KIF6: variants seen among roughly 807,000 people sequenced by gnomAD.
KIF6 encodes the protein kinesin-like protein KIF6.
Under a neutral mutation model 112.7 loss-of-function variants are expected in KIF6, and 106 were observed. The ratio of observed to expected loss-of-function variants is 0.94; its 90% CI spans 0.80 to 1.11. The LOEUF (loss-of-function observed/expected upper bound fraction) is 1.11. KIF6 is among the 50% of genes least tolerant of loss of function. KIF6 has a pLI of 0.00. For synonymous variants in KIF6, 339 were observed against 339.9 expected (o/e 1.00, Z 0.03); for missense variants, 929 against 964.0 (o/e 0.96, Z 0.48).
chr6:39,601,425 A>G (rs1782565531), intron 6 of KIF6, among the ~76,000 whole-genome samples: 1 of 152,132 alleles, frequency 6.6e-6, no homozygotes, highest in African/African-American at 2.4e-5. Flanking sequence ...TCCTATCTAC[A>G]TCACTGAATT....
intron 13 of KIF6, among the ~76,000 whole-genome samples, chr6:39,525,061 A>G (rs1332142255): frequency 1.3e-5 from 2 of 152,226 alleles, no homozygotes; most frequent in Non-Finnish European, 2.9e-5. Context: ...GTTGCCTACA[A>G]GTAAATCAGT....
chr6:39,610,665 G>C (rs1783166823), intron 6 of KIF6, among the ~76,000 whole-genome samples: 1 of 152,120 alleles, frequency 6.6e-6, no homozygotes. Flanking sequence ...ATATTTTTAT[G>C]TATTTGCTTT....
intron 3 of KIF6, among the ~76,000 whole-genome samples, chr6:39,699,315 C>G (rs192459415): frequency 6.6e-6 from 1 of 152,028 alleles, no homozygotes; most frequent in Non-Finnish European, 1.5e-5. Flanking sequence ...GAATGGGCCT[C>G]ACTAAGAAGG....
At chr6:39,448,710 A>G (rs991697543) in intron 13 of KIF6, among the ~76,000 whole-genome samples, 2 of 151,378 alleles carry the variant, frequency 1.3e-5, no homozygotes, top group African/African-American at 4.8e-5. Context: ...TTCTCTTTCA[A>G]CAGGTGATTT....
At position 39,725,259 on chromosome 6, in the gene KIF6, T is replaced by A; in HGVS notation, c.52A>T (p.Lys18Ter). The change falls in exon 1 of 23, where the codon AAG becomes TAG. Residue 18 changes from lysine to a stop codon, truncating the protein, a stop_gained. Coordinates refer to ENST00000287152, the MANE Select transcript of KIF6 (RefSeq NM_145027.6). LOFTEE classifies it high-confidence loss of function. ...IFARVKPPVR[K>*]HQQGIYSIDE... ...CCAGCCCGTACCCCTTGTTGGTGCT[T>A]CCGGACAGGGGGCTTCACCCTCGCG... The A allele has an allele frequency of 6.2e-7, 1 of 1,609,852 alleles. No individual in the cohort carries two copies. Among genetic ancestry groups the A allele is most frequent in the South Asian group, 1.1e-5 (1 of 90,416 alleles).
At chr6:39,593,766 C>T (rs1471722325) in intron 7 of KIF6, among the ~76,000 whole-genome samples, 2 of 152,136 alleles carry the variant, frequency 1.3e-5, no homozygotes, top group Non-Finnish European at 2.9e-5. Context: ...TTGATTGGCT[C>T]GCCTCTATTC....
chr6:39,492,756 C>A (rs1016300302), intron 13 of KIF6, among the ~76,000 whole-genome samples: 6 of 152,170 alleles, frequency 3.9e-5, no homozygotes, highest in African/African-American at 1.4e-4. Context: ...TGTAGGTCTA[C>A]AGTTGGGGAA....
chr6:39,501,166 C>G (rs1020248071), intron 13 of KIF6, among the ~76,000 whole-genome samples: 1 of 152,094 alleles, frequency 6.6e-6, no homozygotes, highest in Non-Finnish European at 1.5e-5. Flanking sequence ...AGCAACTTCA[C>G]CAGTGATACC....
chr6:39,372,630 AC>A (rs1766104981), intron 16 of KIF6, among the ~76,000 whole-genome samples: 1 of 152,056 alleles, frequency 6.6e-6, no homozygotes, highest in Non-Finnish European at 1.5e-5. Context: ...GATAAATAAC[AC>A]CCATGTACTG....
intron 13 of KIF6, among the ~76,000 whole-genome samples, chr6:39,495,860 T>C (rs1775752450): frequency 6.6e-6 from 1 of 152,084 alleles, no homozygotes; most frequent in African/African-American, 2.4e-5. Context: ...AGGGAGCCCT[T>C]TGTCATGTAT....
chr6:39,499,823 T>C (rs1776018293), intron 13 of KIF6, among the ~76,000 whole-genome samples: 1 of 152,210 alleles, frequency 6.6e-6, no homozygotes, highest in African/African-American at 2.4e-5. Context: ...GATAGCAAAA[T>C]TGGTTTCAGC....
rs1373826450 is a variant in KIF6, at chr6:39,331,787, A to G, written c.*4745T>C. The G allele has an allele frequency of 6.6e-6, 1 of 152,380 alleles. No homozygotes were observed. Among genetic ancestry groups the G allele is most frequent in the Non-Finnish European group, 1.5e-5 (1 of 68,046 alleles). The allele number at this position is 152,380 out of a possible 1,614,324, so 9.4% of individuals were successfully genotyped here. A position where few individuals can be genotyped will look rare whatever the true frequency, so the allele number is the denominator to read the frequency against. On this transcript the variant is annotated 3_prime_UTR_variant, in exon 23 of 23. Transcript: ENST00000287152. ...GCACAATGGATGGCACATCCTTGTC[A>G]AAACAATGACCAGATGAATGAGACA...
At chr6:39,536,799 T>G (rs1024539749) in intron 13 of KIF6, among the ~76,000 whole-genome samples, 1 of 152,132 alleles carries the variant, frequency 6.6e-6, no homozygotes, top group African/African-American at 2.4e-5. Flanking sequence ...TGATGAACAT[T>G]GATGCAAAAA....
chr6:39,500,130 C>T (rs996480958), intron 13 of KIF6, among the ~76,000 whole-genome samples: 7 of 152,112 alleles, frequency 4.6e-5, no homozygotes, highest in African/African-American at 1.4e-4. Flanking sequence ...CTGTGCTGTA[C>T]TTGAAGTATA....
intron 14 of KIF6, 121 bp from the exon 15 acceptor site, chr6:39,420,124 A>G (rs1378379996): frequency 7.3e-6 from 5 of 683,298 alleles, no homozygotes; most frequent in Non-Finnish European, 1.3e-5. Flanking sequence ...ACACAAAAGA[A>G]AAATCTAAAT....
chr6:39,411,609 G>A (rs188748828), intron 15 of KIF6, among the ~76,000 whole-genome samples: 4 of 152,298 alleles, frequency 2.6e-5, no homozygotes, highest in Admixed American at 2.0e-4. Context: ...GAAGGAGGCT[G>A]GTCAGCCTGG....
chr6:39,611,618 C>T (rs908955578), intron 6 of KIF6, among the ~76,000 whole-genome samples: 20 of 152,294 alleles, frequency 1.3e-4, no homozygotes, highest in African/African-American at 3.8e-4. Context: ...AGCACTGAGG[C>T]GGCAACAGGC....
intron 13 of KIF6, among the ~76,000 whole-genome samples, chr6:39,451,576 C>A (rs11753576): frequency 1.3e-5 from 2 of 152,134 alleles, no homozygotes; most frequent in Non-Finnish European, 2.9e-5. Flanking sequence ...GGTTTTCCTG[C>A]CTGCAGTGGA....
intron 7 of KIF6, among the ~76,000 whole-genome samples, chr6:39,594,732 T>G (rs993661161): frequency 1.3e-5 from 2 of 152,232 alleles, no homozygotes; most frequent in African/African-American, 4.8e-5. Context: ...AAAAAGGTTT[T>G]ATTTTTTTCC....
Sources: gnomAD v4.1 joint callset for allele counts (sites outside exome capture counted in the v4.1 genomes callset) on GRCh38, gnomAD v4.1.1 for gene constraint, MANE v1.5 for transcripts, NCBI Gene and HGNC (gene_info 2026-07-23, HGNC 2026-07-21) for gene names.